Variants in KIAA1549 observed in about 807,000 individuals in gnomAD.
KIAA1549 encodes KIAA1549.
In KIAA1549, 70 loss-of-function variants were observed where a neutral mutation model predicts 156.4. The observed-to-expected ratio is 0.45, with a 90% CI of 0.37 to 0.55. The LOEUF is 0.55. Ranked by LOEUF, KIAA1549 falls within the 20% of genes least tolerant of loss-of-function variation. The pLI, the probability that KIAA1549 is intolerant of heterozygous loss-of-function variation, is 0.00. For missense variants in KIAA1549, 2,428 were observed against 2,540.9 expected, an observed-to-expected ratio of 0.96 and a Z score of 0.96; for synonymous variants, 1,103 against 1,066.4, an observed-to-expected ratio of 1.03 and a Z score of -0.67.
chr7:138,902,757 T>C (rs982375425), intron 8 of KIAA1549, among the ~76,000 whole-genome samples: 4 of 151,856 alleles, frequency 2.6e-5, no homozygotes, highest in Non-Finnish European at 5.9e-5. Context: ...TGTAGTGAGC[T>C]GAGATCATGC....
intron 17 of KIAA1549, 60 bp downstream of exon 17, chr7:138,852,163 A>C (rs760180359): frequency 1.7e-6 from 2 of 1,193,772 alleles, no homozygotes; most frequent in Non-Finnish European, 2.5e-6. Context: ...TGAGTTTATA[A>C]AGTTTTTAAA....
chr7:138,901,326 AT>A (rs55728739), intron 8 of KIAA1549, among the ~76,000 whole-genome samples: 26,844 of 132,392 alleles, frequency 0.2, 2,116 homozygotes, highest in African/African-American at 0.32. Context: ...CTTGAGTTTT[AT>A]TTTTTTTTTT....
At position 138,917,128 on chromosome 7, in the gene KIAA1549, G is replaced by C; in HGVS notation, c.2498C>G (p.Pro833Arg). 1 of 1,613,234 alleles carries C rather than the reference G, an allele frequency of 6.2e-7. No homozygotes were observed. Among genetic ancestry groups the C allele is most frequent in the Non-Finnish European group, 8.5e-7 (1 of 1,179,570 alleles). ...SVLASFSKAI[P>R]TGTVLITDAY... ...GTCAGTGATCAACACCGTACCAGTG[G>C]GAATGGCTTTGGAGAAAGAGGCCAG... The change falls in exon 2 of 20, where the codon CCC becomes CGC. Residue 833 changes from proline (P) to arginine (R), a missense_variant. Coordinates refer to ENST00000422774, the MANE Select transcript of KIAA1549 (RefSeq NM_001164665.2).
intron 10 of KIAA1549, among the ~76,000 whole-genome samples, chr7:138,883,489 G>A (rs1019307739): frequency 6.6e-6 from 1 of 151,506 alleles, no homozygotes; most frequent in Non-Finnish European, 1.5e-5. Flanking sequence ...AATTTTTTTG[G>A]TATTTTTAGT....
intron 1 of KIAA1549, among the ~76,000 whole-genome samples, chr7:138,977,911 G>T (rs1284409125): frequency 1.3e-5 from 2 of 152,178 alleles, no homozygotes; most frequent in African/African-American, 4.8e-5. Context: ...TGTTGGCCAG[G>T]ATGGTCTCAA....
intron 16 of KIAA1549, among the ~76,000 whole-genome samples, chr7:138,855,060 CA>C (rs1810346869): frequency 6.6e-6 from 1 of 152,104 alleles, no homozygotes; most frequent in Non-Finnish European, 1.5e-5. Context: ...ATTACATTGC[CA>C]CTTAGAGAGA....
intron 13 of KIAA1549, 121 bp downstream of exon 13, chr7:138,871,036 C>T (rs1810914184): frequency 1.1e-6 from 1 of 891,352 alleles, no homozygotes. Context: ...AGGCTGGTCT[C>T]AAACTCCCGA....
At position 138,835,469 on chromosome 7, in the gene KIAA1549, G is replaced by A. The variant is rs1053079921; in HGVS notation, c.*2437C>T. On this transcript the variant is annotated 3_prime_UTR_variant, in exon 20 of 20. Transcript: ENST00000422774. ...TGAAAGACATCAAAATTGCTTTTAC[G>A]GTCAGCCCAATTTGAAACAGAACCC... The A allele has an allele frequency of 1.1e-4, 23 of 217,210 alleles. No individual in the cohort carries two copies. The highest frequency in any genetic ancestry group is 2.0e-4 in the East Asian group (3 of 14,768). 13.5% of individuals were successfully genotyped at this position (217,210 alleles called of 1,614,324 possible).
At chr7:138,884,503 C>T (rs779731230) in intron 10 of KIAA1549, among the ~76,000 whole-genome samples, 31 of 152,080 alleles carry the variant, frequency 2.0e-4, no homozygotes, top group Non-Finnish European at 4.0e-4. Flanking sequence ...GATTATAAGA[C>T]AGATAGAACA....
At chr7:138,955,166 T>C (rs768139255) in intron 1 of KIAA1549, among the ~76,000 whole-genome samples, 1 of 152,164 alleles carries the variant, frequency 6.6e-6, no homozygotes, top group Non-Finnish European at 1.5e-5. Context: ...GTCCACAGTC[T>C]GGTATTAAAA....
At chr7:138,848,557 G>T (rs1200949004) in intron 17 of KIAA1549, among the ~76,000 whole-genome samples, 1 of 152,138 alleles carries the variant, frequency 6.6e-6, no homozygotes, top group Admixed American at 6.6e-5. Context: ...TCTACTGCTG[G>T]TTATGCTCAC....
chr7:138,975,256 T>TA (rs1814341541), intron 1 of KIAA1549, among the ~76,000 whole-genome samples: 1 of 151,984 alleles, frequency 6.6e-6, no homozygotes, highest in Non-Finnish European at 1.5e-5. Flanking sequence ...AGAGAAAGAA[T>TA]AAGAGAAAGC....
Position 138,869,518 on chromosome 7 carries a change from A to G in KIAA1549, c.4775+20T>C. 1 of 1,538,654 alleles carries G rather than the reference A, an allele frequency of 6.5e-7. No homozygotes were observed. The highest frequency in any genetic ancestry group is 8.8e-7 in the Non-Finnish European group (1 of 1,137,322). On this transcript the variant is annotated intron_variant, in intron 14 of 19. Transcript: ENST00000422774. ...CCTCTGCGCGCCCGCCCCACCGCCTAGCGCAGAGCCCCAGCCCACCTCTTC... is the reference window on the plus strand; with the variant it reads ...CCTCTGCGCGCCCGCCCCACCGCCTGGCGCAGAGCCCCAGCCCACCTCTTC...
At chr7:138,959,247 T>C (rs1813764572) in intron 1 of KIAA1549, among the ~76,000 whole-genome samples, 1 of 152,166 alleles carries the variant, frequency 6.6e-6, no homozygotes, top group African/African-American at 2.4e-5. Flanking sequence ...ATTAATTCAT[T>C]CCCTCTTGGC....
Position 138,861,237 on chromosome 7 carries a change from C to T in KIAA1549, c.5149G>A (p.Gly1717Ser), listed in dbSNP as rs774644428. The part of the protein sequence containing the change: ...TAGVGPGVPP[G>S]LPANSTPSQE... ...GAAGGGGTGCTGTTTGCGGGCAGGC[C>T]GGGTGGGACTCCGGGGCCTACACCT... Residue 1717 changes from glycine to serine, a missense_variant, in exon 16 of 20, where the codon GGC (glycine) becomes AGC (serine). Transcript: ENST00000422774. 22 of 1,612,146 alleles carry T rather than the reference C, an allele frequency of 1.4e-5. 1 individual carries two copies. Among genetic ancestry groups the T allele is most frequent in the African/African-American group, 8.0e-5 (6 of 74,810 alleles).
At position 138,942,681 on chromosome 7, in the gene KIAA1549, C is replaced by T. The variant is rs180806166; in HGVS notation, c.188-23243G>A. Among the ~76,000 whole-genome samples, 73 of 152,152 alleles carry T rather than the reference C, an allele frequency of 4.8e-4. No homozygotes were observed. The East Asian group carries it at 0.012, about 25-fold the overall frequency. On this transcript the variant is annotated intron_variant, in intron 1 of 19. Transcript: ENST00000422774. ...ATCCCAGCACTTTGGGAGGCTGAGG[C>T]AGGCGGATCACAAGGTCAGGAGATC...
Position 138,919,053 on chromosome 7 carries a change from T to A in KIAA1549, c.573A>T (p.Glu191Asp). ...SPPGLPREAL[E>D]PMLTPSLPMV... Reference sequence around the variant, plus strand: ...TGGGTAATGATGGAGTGAGCATAGGTTCTAATGCTTCCCTGGGCAGCCCTG... The same window carrying A: ...TGGGTAATGATGGAGTGAGCATAGGATCTAATGCTTCCCTGGGCAGCCCTG... The change falls in exon 2 of 20, where the codon GAA (glutamate) becomes GAT (aspartate). Residue 191 changes from glutamate (E) to aspartate (D), a missense_variant. Physicochemically the swap from Glu to Asp is conservative, Grantham distance 45 (BLOSUM62 2). This residue lies in a region of KIAA1549 where 893 missense variants were observed against 847.9 expected (regional missense o/e 1.05). Coordinates refer to ENST00000422774, the MANE Select transcript of KIAA1549 (RefSeq NM_001164665.2). 1 of 1,613,928 alleles carries A rather than the reference T, an allele frequency of 6.2e-7. No individual in the cohort carries two copies. The highest frequency in any genetic ancestry group is 8.5e-7 in the Non-Finnish European group (1 of 1,179,876).
intron 17 of KIAA1549, among the ~76,000 whole-genome samples, chr7:138,851,814 G>A (rs929822601): frequency 1.3e-5 from 2 of 152,218 alleles, no homozygotes; most frequent in Non-Finnish European, 2.9e-5. Context: ...CCAGCCCCAT[G>A]AGTCTGTCAA....
In KIAA1549 at chr7:138,916,792, T is replaced by C. The variant is rs1812332498; in HGVS notation, c.2834A>G (p.Tyr945Cys). Reference protein sequence around the residue: ...TPTLATAKPPYVCDITVPDAY... With the variant: ...TPTLATAKPPCVCDITVPDAY... ...ATCGGGGACTGTGATATCACAAACA[T>C]ATGGCGGCTTGGCAGTAGCCAGTGT... is the stretch of plus-strand genomic sequence containing the variant. The change falls in exon 2 of 20, where the codon TAT (tyrosine) becomes TGT (cysteine). Residue 945 changes from tyrosine to cysteine, a missense_variant. By Grantham distance (194) the Tyr-to-Cys change is radical. Around this residue, in one of 5 missense-constraint regions of KIAA1549, gnomAD observed 762 missense variants for 901.6 expected, o/e 0.85. Coordinates refer to ENST00000422774, the MANE Select transcript of KIAA1549 (RefSeq NM_001164665.2). 1.2e-6 allele frequency: 2 copies of C among 1,613,916 alleles called. No homozygotes were observed. Among genetic ancestry groups the C allele is most frequent in the African/African-American group, 2.7e-5 (2 of 75,028 alleles).
Sources: gnomAD v4.1 joint callset for allele counts (sites outside exome capture counted in the v4.1 genomes callset) on GRCh38, gnomAD v4.1.1 for gene constraint, gnomAD v4.1.1 regional missense constraint, MANE v1.5 for transcripts, NCBI Gene and HGNC (gene_info 2026-07-23, HGNC 2026-07-21) for gene names.